The following FMNL3 variants were observed in gnomAD, a reference collection of about 807,000 sequenced individuals.
FMNL3 encodes formin-like protein 3.
Under a neutral mutation model 119.6 loss-of-function variants are expected in FMNL3, and 57 were observed. The ratio of observed to expected loss-of-function variants is 0.48; its 90% CI spans 0.39 to 0.59. The LOEUF (loss-of-function observed/expected upper bound fraction) is 0.59, where lower values mean the gene tolerates loss of function less well. Ranked by LOEUF, FMNL3 falls within the 20% of genes least tolerant of loss-of-function variation. The probability of loss-of-function intolerance (pLI) is 0.00; values close to 1 mark genes in which losing one functional copy is unlikely to be tolerated. For missense variants in FMNL3, 1,053 were observed against 1,323.5 expected (o/e 0.80, Z 3.17); for synonymous variants, 491 against 507.3 (o/e 0.97, Z 0.43).
Position 49,650,690 on chromosome 12 carries a change from G to A in FMNL3, c.1986C>T (p.Cys662=). Residue 662 remains cysteine, a synonymous_variant, in exon 17 of 26, where the codon TGC becomes TGT. Transcript: ENST00000335154. ...GGGAGCCTCACGTATGAATGGCCCT[G>A]CAGATCTCCTCAGCCGAGCGGCCAG... ...RKAGRSAEEI[C]RAIHTFDLQT... The A allele has an allele frequency of 1.9e-6, 3 of 1,613,380 alleles. No homozygotes were observed. Among genetic ancestry groups the A allele is most frequent in the Non-Finnish European group, 1.7e-6 (2 of 1,180,014 alleles).
chr12:49,653,187 AG>A (rs747285115), intron 13 of FMNL3, 38 bp downstream of exon 13: 10 of 1,582,850 alleles, frequency 6.3e-6, no homozygotes, highest in African/African-American at 1.3e-5. Flanking sequence ...GCTGGAGCCC[AG>A]GATCAGTCAG....
At chr12:49,700,805 C>A (rs1017080804) in intron 1 of FMNL3, among the ~76,000 whole-genome samples, 1 of 150,166 alleles carries the variant, frequency 6.7e-6, no homozygotes, top group African/African-American at 2.5e-5. Context: ...CTGGGCCGGG[C>A]GCAGTGGCTC....
At chr12:49,670,381 G>C (rs969184325) in intron 1 of FMNL3, among the ~76,000 whole-genome samples, 6 of 152,144 alleles carry the variant, frequency 3.9e-5, no homozygotes, top group African/African-American at 1.4e-4. Context: ...CCCCTAAAGT[G>C]CTGTGTCTAT....
Position 49,637,517 on chromosome 12 carries a change from C to T in FMNL3, c.*8298G>A, listed in dbSNP as rs532679758. 6 of 1,613,896 alleles carry T rather than the reference C, an allele frequency of 3.7e-6. No homozygotes were observed. The East Asian group carries it at 1.3e-4, about 36-fold the overall frequency. Reference sequence around the variant, plus strand: ...AGACAGGGCAGCTGCACTCTATGTCCACCTGGATGGAGCTATATCCAGCAG... The same window carrying T: ...AGACAGGGCAGCTGCACTCTATGTCTACCTGGATGGAGCTATATCCAGCAG... On this transcript the variant is annotated 3_prime_UTR_variant, in exon 26 of 26. Transcript: ENST00000335154.
chr12:49,642,952 C>A lies in FMNL3; in HGVS notation c.*2863G>T, dbSNP rs748798949. On this transcript the variant is annotated 3_prime_UTR_variant, in exon 26 of 26. Coordinates refer to ENST00000335154, the MANE Select transcript of FMNL3 (RefSeq NM_175736.5). The surrounding 1 kb of genome is among the most constrained non-coding windows in gnomAD (Gnocchi z 5.8). Reference sequence around the variant, plus strand: ...CAGACTGAATGCCAGCACCTCCACACCAAAGGCCGAAAGCATGGCAGGAAA... The same window carrying A: ...CAGACTGAATGCCAGCACCTCCACAACAAAGGCCGAAAGCATGGCAGGAAA... 18 of 1,613,720 alleles carry A rather than the reference C, an allele frequency of 1.1e-5. No individual in the cohort carries two copies. In the South Asian group the frequency reaches 2.0e-4, roughly 18 times the overall value.
intron 2 of FMNL3, 99 bp from the exon 3 acceptor site, chr12:49,666,306 G>A (rs888329679): frequency 1.9e-6 from 2 of 1,050,190 alleles, no homozygotes; most frequent in Non-Finnish European, 2.8e-6. Context: ...GTGTGAGGGG[G>A]ACTCAGCCTC....
intron 1 of FMNL3, among the ~76,000 whole-genome samples, chr12:49,689,932 C>G (rs553810223): frequency 1.8e-4 from 28 of 152,294 alleles, no homozygotes; most frequent in African/African-American, 6.3e-4. Context: ...AAAGACCTGA[C>G]TAAATCCCCT....
chr12:49,643,880 C>G lies in FMNL3; in HGVS notation c.*1935G>C. 6.2e-7 allele frequency: 1 copy of G among 1,614,166 alleles called. No homozygotes were observed. The highest frequency in any genetic ancestry group is 8.5e-7 in the Non-Finnish European group (1 of 1,180,028). The stretch of plus-strand genomic sequence containing the variant: ...TTACAGAATAGTCCTGAGAGTGAGA[C>G]AGACCCTGAGGAGAAAGCTGGCAAG... On this transcript the variant is annotated 3_prime_UTR_variant, in exon 26 of 26. Coordinates refer to ENST00000335154, the MANE Select transcript of FMNL3 (RefSeq NM_175736.5).
At position 49,642,933 on chromosome 12, in the gene FMNL3, G is replaced by A; in HGVS notation, c.*2882C>T. 1 of 1,613,086 alleles carries A rather than the reference G, an allele frequency of 6.2e-7. No homozygotes were observed. Among genetic ancestry groups the A allele is most frequent in the African/African-American group, 1.3e-5 (1 of 75,014 alleles). ...CTTCTTCCTCTGCCTCTAGCAGACT[G>A]AATGCCAGCACCTCCACACCAAAGG... is the stretch of plus-strand genomic sequence containing the variant. On this transcript the variant is annotated 3_prime_UTR_variant, in exon 26 of 26. Coordinates refer to ENST00000335154, the MANE Select transcript of FMNL3 (RefSeq NM_175736.5). This position sits in a 1 kb window ranked among gnomAD's most constrained non-coding sequence, Gnocchi z 5.8.
chr12:49,661,832 T>C, intron 5 of FMNL3, 134 bp downstream of exon 5: 1 of 838,534 alleles, frequency 1.2e-6, no homozygotes, highest in Non-Finnish European at 2.0e-6. Flanking sequence ...ACACCACTGC[T>C]TGGGCTACTC....
intron 8 of FMNL3, 88 bp from the exon 9 acceptor site, chr12:49,656,585 G>A (rs1943577040): frequency 1.6e-6 from 2 of 1,240,874 alleles, no homozygotes; most frequent in South Asian, 2.7e-5. Context: ...AGTCCTTTTG[G>A]AGAGTGGAGA....
intron 1 of FMNL3, among the ~76,000 whole-genome samples, chr12:49,669,950 C>A (rs1943999919): frequency 6.6e-6 from 1 of 152,262 alleles, no homozygotes; most frequent in Admixed American, 6.5e-5. Flanking sequence ...AATCTTGAAT[C>A]AAATATGATC....
intron 1 of FMNL3, among the ~76,000 whole-genome samples, chr12:49,702,941 T>TA (rs1186225420): frequency 8.5e-5 from 13 of 152,180 alleles, no homozygotes; most frequent in Non-Finnish European, 1.3e-4. Context: ...CAAAGCCTCT[T>TA]AGACAACTAG....
chr12:49,704,835 C>A (rs887851578), intron 1 of FMNL3, among the ~76,000 whole-genome samples: 2 of 151,916 alleles, frequency 1.3e-5, no homozygotes, highest in South Asian at 4.1e-4. Context: ...AACAGGATTA[C>A]CTCCATTTTA....
At chr12:49,682,019 T>G (rs1479950614) in intron 1 of FMNL3, among the ~76,000 whole-genome samples, 1 of 151,968 alleles carries the variant, frequency 6.6e-6, no homozygotes, top group Non-Finnish European at 1.5e-5. Flanking sequence ...GGAGTCACAT[T>G]TGACTCAAGT....
chr12:49,706,858 G>C (rs1376213254), intron 1 of FMNL3, among the ~76,000 whole-genome samples, 197 bp downstream of exon 1: 1 of 152,212 alleles, frequency 6.6e-6, no homozygotes. Context: ...GGAGGCGTCG[G>C]TCCCGAGATC....
At position 49,662,029 on chromosome 12, in the gene FMNL3, T is replaced by G; in HGVS notation, c.389A>C (p.Asn130Thr). 1 of 1,614,112 alleles carries G rather than the reference T, an allele frequency of 6.2e-7. No homozygotes were observed. Residue 130 changes from asparagine (N) to threonine (T), a missense_variant, in exon 5 of 26, where the codon AAT becomes ACT. This residue lies in a region of FMNL3 where 264 missense variants were observed against 265.5 expected (regional missense o/e 0.99). Transcript: ENST00000335154. Reference sequence around the variant, plus strand: ...TACATCCAGGCCTTTGTTTTCATCATTCAGAAATTCCCGCACCCACCTGCA... The same window carrying G: ...TACATCCAGGCCTTTGTTTTCATCAGTCAGAAATTCCCGCACCCACCTGCA... The part of the protein sequence containing the change: ...NHIGWVREFL[N>T]DENKGLDVLV...
Position 49,643,262 on chromosome 12 carries a change from C to G in FMNL3, c.*2553G>C, listed in dbSNP as rs376434775. On this transcript the variant is annotated 3_prime_UTR_variant, in exon 26 of 26. Transcript: ENST00000335154. ...AGAAGAGGAGCTGCCCCCACCATCT[C>G]TCCGGCCCCCCAAGCGGAGGAGGCG... is the stretch of plus-strand genomic sequence containing the variant. 20 of 1,614,118 alleles carry G rather than the reference C, an allele frequency of 1.2e-5. No individual in the cohort carries two copies. The highest frequency in any genetic ancestry group is 1.7e-5 in the Non-Finnish European group (20 of 1,180,036).
intron 11 of FMNL3, 130 bp from the exon 12 acceptor site, chr12:49,654,004 C>CAGGT: frequency 4.4e-6 from 6 of 1,353,126 alleles, no homozygotes; most frequent in Non-Finnish European, 6.0e-6. Flanking sequence ...CAGGCCATGT[C>CAGGT]AGATTCTCGC....
Sources: gnomAD v4.1 joint callset for allele counts (sites outside exome capture counted in the v4.1 genomes callset) on GRCh38, gnomAD v4.1.1 for gene constraint, gnomAD v4.1.1 regional missense constraint, Gnocchi (gnomAD v3.1) non-coding constraint, MANE v1.5 for transcripts, NCBI Gene and HGNC (gene_info 2026-07-23, HGNC 2026-07-21) for gene names.